Variants in RICTOR observed in about 807,000 individuals in gnomAD.
The protein encoded by RICTOR is RPTOR independent companion of MTOR complex 2, also known as rapamycin-insensitive companion of mTOR.
Under a neutral mutation model 214.9 loss-of-function variants are expected in RICTOR, and 49 were observed. The observed-to-expected ratio is 0.23, with a 90% CI of 0.18 to 0.29. The LOEUF (loss-of-function observed/expected upper bound fraction) is 0.29. Ranked by LOEUF, RICTOR falls within the 10% of genes least tolerant of loss-of-function variation. The pLI, the probability that RICTOR is intolerant of heterozygous loss-of-function variation, is 1.00. For synonymous variants in RICTOR, 717 were observed against 711.3 expected (o/e 1.01, Z -0.13); for missense variants, 1,625 against 2,047.0 (o/e 0.79, Z 3.98).
chr5:38,940,556 A>T lies in RICTOR; in HGVS notation c.*1748T>A, dbSNP rs1257709990. ...TTGGGTTCAGTGATAAAGTATAAAA[A>T]AATTATTTATCTTCAACTGGATTTT... On this transcript the variant is annotated 3_prime_UTR_variant, in exon 38 of 38. Transcript: ENST00000357387. 4.3e-6 allele frequency: 1 copy of T among 232,536 alleles called. No individual in the cohort carries two copies. Among genetic ancestry groups the T allele is most frequent in the African/African-American group, 2.2e-5 (1 of 45,314 alleles). The allele number at this position is 232,536 out of a possible 1,614,324, so 14.4% of individuals were successfully genotyped here.
In RICTOR at chr5:38,939,650, T is replaced by TTACA. The variant is rs1380033216; in HGVS notation, c.*2650_*2653dup. 4.3e-6 allele frequency: 1 copy of TTACA among 231,306 alleles called. No homozygotes were observed. The highest frequency in any genetic ancestry group is 2.2e-5 in the African/African-American group (1 of 45,236). The allele number at this position is 231,306 out of a possible 1,614,324, so 14.3% of individuals were successfully genotyped here. A position where few individuals can be genotyped will look rare whatever the true frequency, so the allele number is the denominator to read the frequency against. ...CACTTTACGATTAGAAATTCATAGT[T>TTACA]TACAACCAGCACAACTGCCCAGATT... On this transcript the variant is annotated 3_prime_UTR_variant, in exon 38 of 38. Coordinates refer to ENST00000357387, the MANE Select transcript of RICTOR (RefSeq NM_152756.5).
intron 2 of RICTOR, among the ~76,000 whole-genome samples, chr5:39,065,544 G>C (rs1758846135): frequency 6.6e-6 from 1 of 152,158 alleles, no homozygotes; most frequent in Non-Finnish European, 1.5e-5. Context: ...ACTCATTCCA[G>C]CATTAACTCT....
intron 2 of RICTOR, among the ~76,000 whole-genome samples, chr5:39,049,626 A>G (rs1450031801): frequency 1.3e-5 from 2 of 151,212 alleles, no homozygotes; most frequent in Non-Finnish European, 3.0e-5. Flanking sequence ...AACACTAAAG[A>G]GAACATTCAA....
chr5:39,073,376 G>C (rs751130230), intron 2 of RICTOR, among the ~76,000 whole-genome samples: 6 of 152,176 alleles, frequency 3.9e-5, no homozygotes, highest in Non-Finnish European at 7.3e-5. Context: ...AACGGGATTA[G>C]GTCATTAAAA....
intron 24 of RICTOR, among the ~76,000 whole-genome samples, 191 bp from the exon 25 acceptor site, chr5:38,957,921 C>A (rs989052982): frequency 1.3e-5 from 2 of 152,046 alleles, no homozygotes; most frequent in Non-Finnish European, 2.9e-5. Flanking sequence ...ATCTTTGCAA[C>A]AACACGCGAA....
At chr5:38,981,837 A>G in intron 8 of RICTOR, 30 bp downstream of exon 8, 1 of 1,475,618 alleles carries the variant, frequency 6.8e-7, no homozygotes, top group Non-Finnish European at 9.4e-7. Flanking sequence ...ATAATATTTT[A>G]AAACTAGAAA....
At chr5:38,953,617 G>A in intron 27 of RICTOR, 64 bp from the exon 28 acceptor site, 1 of 501,882 alleles carries the variant, frequency 2.0e-6, no homozygotes, top group Non-Finnish European at 3.3e-6. Flanking sequence ...TATTATTATT[G>A]CATCATAAAA....
intron 10 of RICTOR, among the ~76,000 whole-genome samples, chr5:38,974,804 G>A (rs1296193800): frequency 6.6e-6 from 1 of 152,176 alleles, no homozygotes; most frequent in Non-Finnish European, 1.5e-5. Flanking sequence ...AATGGCTGGA[G>A]TAAACATTTG....
chr5:39,057,528 T>C (rs896178352), intron 2 of RICTOR, among the ~76,000 whole-genome samples: 4 of 152,218 alleles, frequency 2.6e-5, no homozygotes, highest in Admixed American at 1.3e-4. Flanking sequence ...TCATTTAAAA[T>C]GGTTGGAAAA....
intron 3 of RICTOR, among the ~76,000 whole-genome samples, chr5:39,020,575 GACTAC>G (rs1755344394): frequency 6.6e-6 from 1 of 152,124 alleles, no homozygotes; most frequent in Non-Finnish European, 1.5e-5. Context: ...ACACTTAATG[GACTAC>G]ACTATAGTAT....
intron 2 of RICTOR, among the ~76,000 whole-genome samples, chr5:39,024,629 ATAATC>A: frequency 6.6e-6 from 1 of 152,368 alleles, no homozygotes; most frequent in East Asian, 1.9e-4. Context: ...ATGGAAATGT[ATAATC>A]TAAACATTTT....
intron 2 of RICTOR, among the ~76,000 whole-genome samples, chr5:39,053,824 C>T (rs1281738183): frequency 7.0e-6 from 1 of 142,020 alleles, no homozygotes; most frequent in African/African-American, 2.7e-5. Context: ...CCCCAGGGGG[C>T]GGAGCCTGCA....
chr5:38,942,820 TA>T lies in RICTOR; in HGVS notation c.5052+12del. 2 of 1,566,358 alleles carry T rather than the reference TA, an allele frequency of 1.3e-6. No individual in the cohort carries two copies. The highest frequency in any genetic ancestry group is 1.8e-6 in the Non-Finnish European group (2 of 1,136,766). On this transcript the variant is annotated intron_variant, in intron 37 of 37. Transcript: ENST00000357387. ...CTTGGAAGATAAATTTGAGAAGTAC[TA>T]ATCATACTTACTTGTAGAAACTGTA...
At chr5:38,993,920 C>G (rs867352963) in intron 6 of RICTOR, among the ~76,000 whole-genome samples, 1 of 152,164 alleles carries the variant, frequency 6.6e-6, no homozygotes, top group Non-Finnish European at 1.5e-5. Context: ...CGGTGGCTCA[C>G]GCCTGTAATC....
chr5:39,020,164 A>T (rs191311537), intron 3 of RICTOR, among the ~76,000 whole-genome samples: 1 of 152,208 alleles, frequency 6.6e-6, no homozygotes, highest in Non-Finnish European at 1.5e-5. Context: ...CATGAAATCT[A>T]TTCCTGGTGA....
intron 2 of RICTOR, among the ~76,000 whole-genome samples, chr5:39,035,213 G>T (rs1026965544): frequency 6.6e-6 from 1 of 152,212 alleles, no homozygotes; most frequent in Admixed American, 6.5e-5. Flanking sequence ...GGCAAACAGG[G>T]TCTGGAGTGG....
At chr5:39,020,531 G>A (rs1480256234) in intron 3 of RICTOR, among the ~76,000 whole-genome samples, 1 of 152,126 alleles carries the variant, frequency 6.6e-6, no homozygotes, top group African/African-American at 2.4e-5. Context: ...TTAAATTAAG[G>A]TACACGCATT....
At chr5:39,040,954 TA>T (rs1179419910) in intron 2 of RICTOR, among the ~76,000 whole-genome samples, 1 of 152,192 alleles carries the variant, frequency 6.6e-6, no homozygotes, top group East Asian at 1.9e-4. Flanking sequence ...AGGTAGGTAG[TA>T]AATATCATGC....
chr5:38,969,069 A>C (rs1414920031), intron 11 of RICTOR, among the ~76,000 whole-genome samples: 2 of 149,388 alleles, frequency 1.3e-5, no homozygotes, highest in African/African-American at 5.0e-5. Context: ...TCCCGGGTTC[A>C]AGCAATTCTC....
Sources: allele counts gnomAD v4.1 joint callset (sites outside exome capture counted in the v4.1 genomes callset), GRCh38; gene constraint gnomAD v4.1.1; transcripts MANE v1.5; gene names NCBI Gene and HGNC (gene_info 2026-07-23, HGNC 2026-07-21).